AGAP1: variants seen among roughly 807,000 people sequenced by gnomAD.
The protein encoded by AGAP1 is arf-GAP with GTPase, ANK repeat and PH domain-containing protein 1.
AGAP1 carries 29 observed loss-of-function variants against 105.3 expected under a neutral mutation model. The observed-to-expected ratio is 0.28, with a 90% confidence interval of 0.21 to 0.38. The LOEUF (loss-of-function observed/expected upper bound fraction) is 0.38, where lower values mean the gene tolerates loss of function less well. Ranked by LOEUF, AGAP1 falls within the 10% of genes least tolerant of loss-of-function variation. The pLI, the probability that AGAP1 is intolerant of heterozygous loss-of-function variation, is 1.00. For synonymous variants in AGAP1, 509 were observed against 485.9 expected (o/e 1.05, Z -0.63); for missense variants, 998 against 1,165.1 (o/e 0.86, Z 2.09).
chr2:235,653,070 G>T (rs926952639), intron 1 of AGAP1, among the ~76,000 whole-genome samples: 1 of 152,196 alleles, frequency 6.6e-6, no homozygotes. Flanking sequence ...AGGCTTTGCT[G>T]TCTGGCCTTG....
In AGAP1 at chr2:235,974,737, G is replaced by T. The variant is rs185207011; in HGVS notation, c.1645+6114G>T. ...TTTCATTAACTCCAGAGTTGCAGAG[G>T]TCACCCAGGACTTAGTTTCCCTTCA... On this transcript the variant is annotated intron_variant, in intron 13 of 17. Coordinates refer to ENST00000304032, the MANE Select transcript of AGAP1 (RefSeq NM_001037131.3). Among the ~76,000 whole-genome samples, 3 of 152,306 alleles carry T rather than the reference G, an allele frequency of 2.0e-5. No individual in the cohort carries two copies. In the East Asian group the frequency reaches 5.8e-4, roughly 29 times the overall value.
chr2:235,992,790 C>T lies in AGAP1; in HGVS notation c.1645+24167C>T, dbSNP rs189338278. 3.9e-5 allele frequency among the ~76,000 whole-genome samples: 6 copies of T among 152,286 alleles called. No homozygotes were observed. Among genetic ancestry groups the T allele is most frequent in the African/African-American group, 1.4e-4 (6 of 41,572 alleles). ...GCGTAGCCTCCTGTTAACGTAGCCTCCTGCTGCTCTTTGGGGTAGACCAGC... is the reference window on the plus strand; with the variant it reads ...GCGTAGCCTCCTGTTAACGTAGCCTTCTGCTGCTCTTTGGGGTAGACCAGC... On this transcript the variant is annotated intron_variant, in intron 13 of 17. Transcript: ENST00000304032. The surrounding 1 kb of genome is among the most constrained non-coding windows in gnomAD (Gnocchi z 4.8).
chr2:235,741,038 C>T lies in AGAP1; in HGVS notation c.386C>T (p.Pro129Leu), dbSNP rs1328244428. ...CTGATCAGAGATGAAGGGGGCCCCCCGGAGGCGCAGGTGAGTATACATGCA... is the reference window on the plus strand; with the variant it reads ...CTGATCAGAGATGAAGGGGGCCCCCTGGAGGCGCAGGTGAGTATACATGCA... ...LLLIRDEGGP[P>L]EAQFAMWVDA... The change falls in exon 4 of 18, where the codon CCG becomes CTG. Residue 129 changes from proline to leucine, a missense_variant. Coordinates refer to ENST00000304032, the MANE Select transcript of AGAP1 (RefSeq NM_001037131.3). The surrounding 1 kb of genome is among the most constrained non-coding windows in gnomAD (Gnocchi z 4.9). 8.7e-6 allele frequency: 14 copies of T among 1,613,916 alleles called. No homozygotes were observed. Among genetic ancestry groups the T allele is most frequent in the African/African-American group, 4.0e-5 (3 of 74,932 alleles).
Position 235,983,710 on chromosome 2 carries a change from C to T in AGAP1, c.1645+15087C>T, listed in dbSNP as rs576523616. The stretch of plus-strand genomic sequence containing the variant: ...CTTCCCATTGTGTTGCCACTGCCTA[C>T]AGTTTTTGATACAGTCACATACTGT... On this transcript the variant is annotated intron_variant, in intron 13 of 17. Transcript: ENST00000304032. This position sits in a 1 kb window ranked among gnomAD's most constrained non-coding sequence, Gnocchi z 4.5. Among the ~76,000 whole-genome samples the T allele has an allele frequency of 6.6e-6, 1 of 152,270 alleles. No individual in the cohort carries two copies. The highest frequency in any genetic ancestry group is 2.1e-4 in the South Asian group (1 of 4,820).
intron 6 of AGAP1, among the ~76,000 whole-genome samples, chr2:235,791,125 A>G (rs1303297153): frequency 6.6e-6 from 1 of 152,254 alleles, no homozygotes; most frequent in African/African-American, 2.4e-5. Flanking sequence ...AACAATATAG[A>G]GTACACCTTC....
chr2:235,876,769 T>C (rs1269867276), intron 9 of AGAP1, among the ~76,000 whole-genome samples: 4 of 151,858 alleles, frequency 2.6e-5, no homozygotes, highest in African/African-American at 7.3e-5. Flanking sequence ...TTCCTTCTCC[T>C]CTCTTGCCCC....
chr2:235,995,733 C>A (rs1245308086), intron 13 of AGAP1, among the ~76,000 whole-genome samples: 1 of 152,158 alleles, frequency 6.6e-6, no homozygotes, highest in African/African-American at 2.4e-5. Flanking sequence ...TTGAGGATTC[C>A]ATCTCTCTGT....
At chr2:235,571,022 A>G (rs975742866) in intron 1 of AGAP1, among the ~76,000 whole-genome samples, 4 of 152,224 alleles carry the variant, frequency 2.6e-5, no homozygotes, top group Non-Finnish European at 5.9e-5. Context: ...GGAACTTACA[A>G]TCATGGCGGA....
rs576214480 is a variant in AGAP1 at position 235,638,880 on chromosome 2, GTCAGGATGT to G, written c.164-70292_164-70284del. On this transcript the variant is annotated intron_variant, in intron 1 of 17. Coordinates refer to ENST00000304032, the MANE Select transcript of AGAP1 (RefSeq NM_001037131.3). ...CCGGATAATTATTTGTCCTGTGCAT[GTCAGGATGT>G]TCAGGAGCATCTCTGGCCTCTACCT... Among the ~76,000 whole-genome samples the G allele has an allele frequency of 3.3e-4, 50 of 152,304 alleles. No homozygotes were observed. The South Asian group carries it at 9.9e-3, about 30-fold the overall frequency.
Position 235,927,851 on chromosome 2 carries a change from G to A in AGAP1, c.1325-2914G>A, listed in dbSNP as rs906107229. On this transcript the variant is annotated intron_variant, in intron 11 of 17. Transcript: ENST00000304032. This position sits in a 1 kb window ranked among gnomAD's most constrained non-coding sequence, Gnocchi z 4.4. ...TCGTTGTCCCAAAGATGGAGGGACA[G>A]ACAGACACAGTGAAATTCCTTTTTG... Among the ~76,000 whole-genome samples, 2 of 152,254 alleles carry A rather than the reference G, an allele frequency of 1.3e-5. No individual in the cohort carries two copies. The highest frequency in any genetic ancestry group is 4.8e-5 in the African/African-American group (2 of 41,478).
rs948048481 is a variant in AGAP1, at chr2:235,867,269, C to G, written c.1051-16076C>G. On this transcript the variant is annotated intron_variant, in intron 9 of 17. Coordinates refer to ENST00000304032, the MANE Select transcript of AGAP1 (RefSeq NM_001037131.3). This position sits in a 1 kb window ranked among gnomAD's most constrained non-coding sequence, Gnocchi z 5.4. ...AGGAGGTATGTTAGGCTTCATGGGTCGTGTGGTTTCTCCTGAACTACCTAC... is the reference window on the plus strand; with the variant it reads ...AGGAGGTATGTTAGGCTTCATGGGTGGTGTGGTTTCTCCTGAACTACCTAC... 1.3e-5 allele frequency among the ~76,000 whole-genome samples: 2 copies of G among 152,136 alleles called. No individual in the cohort carries two copies. The highest frequency in any genetic ancestry group is 4.8e-5 in the African/African-American group (2 of 41,412).
intron 1 of AGAP1, among the ~76,000 whole-genome samples, chr2:235,525,575 A>G (rs1464824586): frequency 6.6e-6 from 1 of 152,040 alleles, no homozygotes; most frequent in Admixed American, 6.5e-5. Context: ...TAGAGGACTG[A>G]TTTATAAAGT....
chr2:236,118,112 T>C (rs1052925636), intron 16 of AGAP1, among the ~76,000 whole-genome samples: 3 of 152,164 alleles, frequency 2.0e-5, no homozygotes, highest in African/African-American at 7.2e-5. Flanking sequence ...CGACACTAGA[T>C]CACTAGGTGC....
At chr2:235,619,083 C>T (rs755281214) in intron 1 of AGAP1, among the ~76,000 whole-genome samples, 2 of 152,160 alleles carry the variant, frequency 1.3e-5, no homozygotes, top group Non-Finnish European at 2.9e-5. Flanking sequence ...ATGGACTCTA[C>T]CCCAGAACCT....
intron 9 of AGAP1, among the ~76,000 whole-genome samples, chr2:235,859,904 G>C (rs929164245): frequency 6.6e-6 from 1 of 152,170 alleles, no homozygotes; most frequent in Non-Finnish European, 1.5e-5. Context: ...GCTGTGCGCA[G>C]CGCCTTCCAC....
rs922897047 is a variant in AGAP1, at chr2:235,660,960, G to T, written c.164-48219G>T. Among the ~76,000 whole-genome samples, 1 of 152,184 alleles carries T rather than the reference G, an allele frequency of 6.6e-6. No homozygotes were observed. On this transcript the variant is annotated intron_variant, in intron 1 of 17. Coordinates refer to ENST00000304032, the MANE Select transcript of AGAP1 (RefSeq NM_001037131.3). This position sits in a 1 kb window ranked among gnomAD's most constrained non-coding sequence, Gnocchi z 5.3. ...CTCAGTGCAACTGTGGAGACTGGAG[G>T]GTGTCGGGGCGTTGAATACTGGTTA...
rs114949601 is a variant in AGAP1 at position 235,561,983 on chromosome 2, C to G, written c.163+67134C>G. Reference sequence around the variant, plus strand: ...TCTTGAGGTTTTTCTCCAAAGCAAACCAGCTCATACCTTGACATTGTCAAA... The same window carrying G: ...TCTTGAGGTTTTTCTCCAAAGCAAAGCAGCTCATACCTTGACATTGTCAAA... On this transcript the variant is annotated intron_variant, in intron 1 of 17. Coordinates refer to ENST00000304032, the MANE Select transcript of AGAP1 (RefSeq NM_001037131.3). 3.7e-3 allele frequency among the ~76,000 whole-genome samples: 570 copies of G among 152,274 alleles called. 2 individuals are homozygous for G. Among genetic ancestry groups the G allele is most frequent in the Non-Finnish European group, 6.9e-3 (472 of 68,026 alleles).
chr2:235,776,716 G>A (rs1430151454), intron 6 of AGAP1, among the ~76,000 whole-genome samples: 1 of 152,124 alleles, frequency 6.6e-6, no homozygotes, highest in East Asian at 1.9e-4. Context: ...AGGGAGCGGA[G>A]GGCCCTCCCC....
At chr2:235,941,639 T>C (rs944780717) in intron 12 of AGAP1, among the ~76,000 whole-genome samples, 3 of 152,196 alleles carry the variant, frequency 2.0e-5, no homozygotes, top group African/African-American at 7.2e-5. Flanking sequence ...AATGTATCTG[T>C]TCATCATTCA....
Sources: allele counts gnomAD v4.1 joint callset (sites outside exome capture counted in the v4.1 genomes callset), GRCh38; gene constraint gnomAD v4.1.1; non-coding constraint Gnocchi (gnomAD v3.1); transcripts MANE v1.5; gene names NCBI Gene and HGNC (gene_info 2026-07-23, HGNC 2026-07-21).